Variants in SNRPN observed in about 807,000 individuals in gnomAD.
The protein encoded by SNRPN is small nuclear ribonucleoprotein-associated protein N.
In SNRPN, 7 loss-of-function variants were observed where a neutral mutation model predicts 25.2. That is an observed-to-expected ratio of 0.28 (90% CI 0.16 to 0.52). The LOEUF is 0.52. Ranked by LOEUF, SNRPN falls within the 20% of genes least tolerant of loss-of-function variation. The pLI is 0.96. For synonymous variants in SNRPN, 124 were observed against 110.6 expected (o/e 1.12, Z -0.76); for missense variants, 196 against 322.5 (o/e 0.61, Z 3.00).
intron 2 of SNRPN, chr15:24,909,535 A>G: frequency 6.8e-7 from 1 of 1,476,316 alleles, no homozygotes; most frequent in South Asian, 1.1e-5. Flanking sequence ...AATATGCTGC[A>G]GCATAATTTG....
At chr15:24,825,650 A>G (rs953149205) in intron 1 of SNRPN, among the ~76,000 whole-genome samples, 7 of 152,106 alleles carry the variant, frequency 4.6e-5, no homozygotes, top group Non-Finnish European at 7.3e-5. Context: ...TGAACATCAT[A>G]CTTTAGTCTA....
chr15:24,899,280 A>G (rs2058289837), intron 2 of SNRPN, among the ~76,000 whole-genome samples: 1 of 152,166 alleles, frequency 6.6e-6, no homozygotes, highest in Non-Finnish European at 1.5e-5. Context: ...ATATGTTTTA[A>G]TTTTTTATTA....
intron 2 of SNRPN, among the ~76,000 whole-genome samples, chr15:24,888,411 T>A (rs2057375333): frequency 6.6e-6 from 1 of 152,160 alleles, no homozygotes; most frequent in African/African-American, 2.4e-5. Flanking sequence ...TGGCCAGGAA[T>A]GACTGTCAAC....
At chr15:24,876,292 C>T (rs1179094636) in intron 1 of SNRPN, among the ~76,000 whole-genome samples, 4 of 151,940 alleles carry the variant, frequency 2.6e-5, no homozygotes, top group South Asian at 2.1e-4. Context: ...GTCAAGCAGA[C>T]GTTCAACAAA....
At chr15:24,968,682 A>G (rs1165432134) in intron 3 of SNRPN, 4 of 152,364 alleles carry the variant, frequency 2.6e-5, no homozygotes, top group Non-Finnish European at 5.9e-5. Flanking sequence ...ATAATTAACA[A>G]TGAGTATTAG....
intron 1 of SNRPN, among the ~76,000 whole-genome samples, chr15:24,886,312 A>T: frequency 6.6e-6 from 1 of 152,122 alleles, no homozygotes; most frequent in East Asian, 1.9e-4. Flanking sequence ...GTAATTTTCC[A>T]ACCACTAGTC....
At chr15:24,959,681 T>A (rs2074451153) in intron 1 of SNRPN, among the ~76,000 whole-genome samples, 1 of 152,216 alleles carries the variant, frequency 6.6e-6, no homozygotes, top group African/African-American at 2.4e-5. Flanking sequence ...GCTGTATTTG[T>A]GTGCCCACCA....
intron 1 of SNRPN, among the ~76,000 whole-genome samples, chr15:24,876,823 T>A (rs1366911601): frequency 6.6e-6 from 1 of 151,952 alleles, no homozygotes; most frequent in African/African-American, 2.4e-5. Flanking sequence ...AGTATTGAGG[T>A]AGAGAATGGG....
chr15:24,874,893 G>A (rs1287282147), intron 1 of SNRPN, among the ~76,000 whole-genome samples: 1 of 152,174 alleles, frequency 6.6e-6, no homozygotes, highest in African/African-American at 2.4e-5. Context: ...GAATGCTGTT[G>A]TTAGTGTATT....
intron 1 of SNRPN, among the ~76,000 whole-genome samples, chr15:24,961,498 C>T (rs2074803155): frequency 6.6e-6 from 1 of 152,030 alleles, no homozygotes; most frequent in South Asian, 2.1e-4. Context: ...ATGTTCTGTT[C>T]CCTTGAGCAG....
intron 3 of SNRPN, among the ~76,000 whole-genome samples, chr15:24,923,018 G>A (rs962755803): frequency 6.9e-6 from 1 of 145,292 alleles, no homozygotes; most frequent in South Asian, 2.2e-4. Context: ...CGATTCTCCT[G>A]CCTCAGACCC....
intron 2 of SNRPN, among the ~76,000 whole-genome samples, chr15:24,918,935 G>A (rs867744410): frequency 6.5e-5 from 3 of 46,246 alleles, no homozygotes; most frequent in East Asian, 4.5e-4. Context: ...ATATATATGC[G>A]CACATATATA....
At chr15:24,869,136 C>A (rs760991214) in intron 1 of SNRPN, among the ~76,000 whole-genome samples, 2 of 151,978 alleles carry the variant, frequency 1.3e-5, no homozygotes, top group Non-Finnish European at 2.9e-5. Flanking sequence ...CAGAGTGATA[C>A]CGTGTCTCAA....
At position 24,949,010 on chromosome 15, in the gene SNRPN, CTTTTTTTTTTTTT is replaced by C. The variant is rs869100437; in HGVS notation, c.-390-13087_-390-13075del. On this transcript the variant is annotated intron_variant, in intron 3 of 11. Transcript: ENST00000400097. ...TTCTGTCTATATGGATTTGCCTATT[CTTTTTTTTTTTTT>C]TTTTTTTTTTTTTTTTGAGATAGAG... Among the ~76,000 whole-genome samples the C allele has an allele frequency of 1.7e-3, 80 of 46,428 alleles. 2 individuals are homozygous for C. The South Asian group carries it at 0.017, about 10-fold the overall frequency. The allele number at this position is 46,428 out of a possible 152,430, so 30.5% of individuals were successfully genotyped here.
intron 4 of SNRPN, 35 bp from the exon 5 acceptor site, chr15:24,975,323 C>T (rs372803937): frequency 1.9e-6 from 3 of 1,586,906 alleles, no homozygotes; most frequent in African/African-American, 2.7e-5. Context: ...AGGGTGTTGG[C>T]AAGCTGAACA....
At chr15:24,861,747 T>C (rs954162787) in intron 1 of SNRPN, among the ~76,000 whole-genome samples, 1 of 145,502 alleles carries the variant, frequency 6.9e-6, no homozygotes, top group African/African-American at 2.6e-5. Flanking sequence ...CCATGACTAA[T>C]AAACACATAA....
At chr15:24,847,069 C>A (rs1195266937) in intron 2 of SNRPN, among the ~76,000 whole-genome samples, 1 of 152,028 alleles carries the variant, frequency 6.6e-6, no homozygotes, top group Non-Finnish European at 1.5e-5. Flanking sequence ...TACCTTCCTG[C>A]GAAAGATACA....
intron 1 of SNRPN, among the ~76,000 whole-genome samples, chr15:24,858,992 C>T (rs7181549): frequency 0.03 from 4,537 of 152,128 alleles, 181 homozygotes; most frequent in African/African-American, 0.095. Context: ...AGCTCTCTAG[C>T]TCATTGCAGA....
At chr15:24,972,231 G>A (rs2076503937) in intron 3 of SNRPN, among the ~76,000 whole-genome samples, 1 of 150,014 alleles carries the variant, frequency 6.7e-6, no homozygotes, top group Admixed American at 6.7e-5. Context: ...ACTCCAGCCT[G>A]GGCAACAGAG....
Sources: gnomAD v4.1 joint callset for allele counts (sites outside exome capture counted in the v4.1 genomes callset) on GRCh38, gnomAD v4.1.1 for gene constraint, MANE v1.5 for transcripts, NCBI Gene and HGNC (gene_info 2026-07-23, HGNC 2026-07-21) for gene names.